SLC9A1: variants seen among roughly 807,000 people sequenced by gnomAD.
SLC9A1 encodes sodium/hydrogen exchanger 1.
Under a neutral mutation model 67.9 loss-of-function variants are expected in SLC9A1, and 22 were observed. That is an observed-to-expected ratio of 0.32 (90% confidence interval 0.23 to 0.46). The LOEUF (loss-of-function observed/expected upper bound fraction) is 0.46. Ranked by LOEUF, SLC9A1 falls within the 20% of genes least tolerant of loss-of-function variation. The probability of loss-of-function intolerance (pLI) is 1.00; values close to 1 mark genes in which losing one functional copy is unlikely to be tolerated. For synonymous variants in SLC9A1, 421 were observed against 471.8 expected (o/e 0.89, Z 1.40); for missense variants, 686 against 1,094.8 (o/e 0.63, Z 5.27).
chr1:27,144,358 G>C (rs937756792), intron 1 of SLC9A1, among the ~76,000 whole-genome samples: 1 of 152,170 alleles, frequency 6.6e-6, no homozygotes, highest in African/African-American at 2.4e-5. Context: ...AACAGATCCA[G>C]ATCTTCCCAG....
chr1:27,145,687 T>C (rs77117256), intron 1 of SLC9A1, among the ~76,000 whole-genome samples: 1 of 152,200 alleles, frequency 6.6e-6, no homozygotes. Flanking sequence ...ACAGAGCTTT[T>C]CATCCTGAAT....
At chr1:27,146,219 G>A (rs2083484491) in intron 1 of SLC9A1, among the ~76,000 whole-genome samples, 1 of 152,176 alleles carries the variant, frequency 6.6e-6, no homozygotes, top group Admixed American at 6.5e-5. Context: ...AGGTGGGAGA[G>A]GCGGTGAGGA....
chr1:27,153,944 T>C (rs1178672221), intron 1 of SLC9A1, 39 bp downstream of exon 1: 2 of 1,375,266 alleles, frequency 1.5e-6, no homozygotes, highest in Admixed American at 2.0e-5. Context: ...AGCTCACCAG[T>C]CTGGTGGCGG....
At chr1:27,102,359 A>G (rs759411124) in intron 8 of SLC9A1, 26 bp downstream of exon 8, 3 of 1,565,922 alleles carry the variant, frequency 1.9e-6, no homozygotes, top group Non-Finnish European at 2.6e-6. Flanking sequence ...TGGGAGCAGA[A>G]GCTGCCTGGT....
chr1:27,103,371 G>A, intron 5 of SLC9A1, 59 bp from the exon 6 acceptor site: 1 of 1,194,586 alleles, frequency 8.4e-7, no homozygotes, highest in African/African-American at 1.5e-5. Context: ...GGAGGCCACA[G>A]AGCCTCCCTC....
chr1:27,113,436 A>T (rs1403708868), intron 2 of SLC9A1, among the ~76,000 whole-genome samples: 1 of 152,178 alleles, frequency 6.6e-6, no homozygotes, highest in Non-Finnish European at 1.5e-5. Flanking sequence ...AGCCTAGAAG[A>T]CAGGGCAAGA....
intron 1 of SLC9A1, among the ~76,000 whole-genome samples, chr1:27,122,895 C>T (rs1281318331): frequency 1.3e-5 from 2 of 152,040 alleles, no homozygotes; most frequent in Non-Finnish European, 2.9e-5. Flanking sequence ...AGTAAAGAGC[C>T]CGTGTTGTGT....
At chr1:27,145,493 C>G (rs77068629) in intron 1 of SLC9A1, among the ~76,000 whole-genome samples, 1 of 152,242 alleles carries the variant, frequency 6.6e-6, no homozygotes, top group African/African-American at 2.4e-5. Context: ...TGGCATACAG[C>G]AAATGCTATG....
chr1:27,127,988 T>C (rs1279011895), intron 1 of SLC9A1, among the ~76,000 whole-genome samples: 1 of 152,188 alleles, frequency 6.6e-6, no homozygotes, highest in East Asian at 1.9e-4. Context: ...CCTTGGGGGC[T>C]TGTTGAGAGC....
chr1:27,131,439 CAAAAAAAAA>C (rs35954506), intron 1 of SLC9A1, among the ~76,000 whole-genome samples: 74 of 27,490 alleles, frequency 2.7e-3, no homozygotes, highest in African/African-American at 0.011. Flanking sequence ...ACTAAAAATA[CAAAAAAAAA>C]AAAAAAAAAA....
chr1:27,107,569 ACACACAGCAC>A (rs957208028), intron 4 of SLC9A1, 69 bp downstream of exon 4: 36 of 1,088,742 alleles, frequency 3.3e-5, no homozygotes, highest in African/African-American at 7.8e-5. Flanking sequence ...CACACACCAC[ACACACAGCAC>A]CACAGCCCAC....
At chr1:27,131,976 A>ATATG (rs2083389588) in intron 1 of SLC9A1, among the ~76,000 whole-genome samples, 1 of 142,608 alleles carries the variant, frequency 7.0e-6, no homozygotes, top group Admixed American at 7.0e-5. Flanking sequence ...ATATATATAT[A>ATATG]TAAAATTATG....
intron 1 of SLC9A1, among the ~76,000 whole-genome samples, chr1:27,125,237 CTTTTTTTTTTT>C (rs71010327): frequency 3.5e-5 from 3 of 86,870 alleles, no homozygotes; most frequent in South Asian, 5.0e-4. Flanking sequence ...CCTTTTCTTT[CTTTTTTTTTTT>C]TTTTTTTTTT....
chr1:27,105,754 A>G (rs1196920995), intron 5 of SLC9A1, 131 bp downstream of exon 5: 10 of 811,868 alleles, frequency 1.2e-5, no homozygotes, highest in Admixed American at 4.0e-5. Flanking sequence ...GGCTCGCCCA[A>G]GGTCACACAG....
At chr1:27,139,845 T>C (rs1221488631) in intron 1 of SLC9A1, among the ~76,000 whole-genome samples, 1 of 150,190 alleles carries the variant, frequency 6.7e-6, no homozygotes, top group African/African-American at 2.5e-5. Context: ...CAGGCTAGAG[T>C]GCAGTGAGGC....
Position 27,137,012 on chromosome 1 carries a change from G to A in SLC9A1, c.352+16971C>T, listed in dbSNP as rs2083424622. 6.6e-6 allele frequency among the ~76,000 whole-genome samples: 1 copy of A among 152,246 alleles called. No homozygotes were observed. The highest frequency in any genetic ancestry group is 1.5e-5 in the Non-Finnish European group (1 of 68,050). ...GGGCCTCGTTGCCATTCCATTGTAA[G>A]TGGTAGTGCCAGATGGAGCCCCATC... is the stretch of plus-strand genomic sequence containing the variant. On this transcript the variant is annotated intron_variant, in intron 1 of 11. Transcript: ENST00000263980. This position sits in a 1 kb window ranked among gnomAD's most constrained non-coding sequence, Gnocchi z 4.6.
At chr1:27,146,957 G>A (rs1176406950) in intron 1 of SLC9A1, among the ~76,000 whole-genome samples, 3 of 151,938 alleles carry the variant, frequency 2.0e-5, no homozygotes, top group South Asian at 2.1e-4. Flanking sequence ...CCAACATGGC[G>A]AAAACCCATC....
intron 1 of SLC9A1, among the ~76,000 whole-genome samples, chr1:27,122,837 C>G (rs1459558965): frequency 6.6e-6 from 1 of 152,206 alleles, no homozygotes; most frequent in Non-Finnish European, 1.5e-5. Flanking sequence ...TGCAGTGAAG[C>G]AGAGGATGAC....
At chr1:27,132,779 A>G (rs2083394484) in intron 1 of SLC9A1, among the ~76,000 whole-genome samples, 1 of 152,160 alleles carries the variant, frequency 6.6e-6, no homozygotes, top group Non-Finnish European at 1.5e-5. Flanking sequence ...CTCCCACCCT[A>G]GGCCAACAGG....
Sources: allele counts gnomAD v4.1 joint callset (sites outside exome capture counted in the v4.1 genomes callset), GRCh38; gene constraint gnomAD v4.1.1; non-coding constraint Gnocchi (gnomAD v3.1); transcripts MANE v1.5; gene names NCBI Gene and HGNC (gene_info 2026-07-23, HGNC 2026-07-21).